The following SP3 variants were observed in gnomAD, a reference collection of about 807,000 sequenced individuals.
SP3 encodes transcription factor Sp3.
In SP3, 10 loss-of-function variants were observed where a neutral mutation model predicts 70.3. That is an observed-to-expected ratio of 0.14 (90% confidence interval 0.09 to 0.24). SP3 has a LOEUF of 0.24. Among genes scored for constraint, SP3 ranks in the 10% least tolerant of loss-of-function variants. The pLI is 1.00. For missense variants in SP3, 825 were observed against 914.6 expected (o/e 0.90, Z 1.26); for synonymous variants, 402 against 333.5 (o/e 1.21, Z -2.24).
At chr2:173,932,768 G>T (rs1207429898) in intron 4 of SP3, among the ~76,000 whole-genome samples, 2 of 152,064 alleles carry the variant, frequency 1.3e-5, no homozygotes, top group African/African-American at 2.4e-5. Context: ...CAAGGCAGGT[G>T]GATCACGAGG....
intron 3 of SP3, among the ~76,000 whole-genome samples, chr2:173,962,647 T>TAA (rs554889189): frequency 2.0e-5 from 3 of 147,082 alleles, no homozygotes; most frequent in South Asian, 2.1e-4. Context: ...TGGTTTAACT[T>TAA]AAAAAAAAAA....
chr2:173,955,973 T>TCTG lies in SP3; in HGVS notation c.536_538dup (p.Ala179dup). The TCTG allele has an allele frequency of 6.2e-7, 1 of 1,614,214 alleles. No individual in the cohort carries two copies. The highest frequency in any genetic ancestry group is 1.6e-4 in the Middle Eastern group (1 of 6,062). ...GAAACCAATTTGAACCTGCTGACCA[T>TCTG]CTGCTGACTGGATCTGTGGTATCAC... On this transcript the variant is annotated inframe_insertion, in exon 4 of 7. Transcript: ENST00000310015.
intron 3 of SP3, among the ~76,000 whole-genome samples, chr2:173,957,923 C>T (rs1435509452): frequency 2.0e-5 from 3 of 152,134 alleles, no homozygotes; most frequent in African/African-American, 4.8e-5. Context: ...TGTCACTCTG[C>T]AACTTCAATC....
At chr2:173,960,605 A>G (rs1691037989) in intron 3 of SP3, among the ~76,000 whole-genome samples, 1 of 152,210 alleles carries the variant, frequency 6.6e-6, no homozygotes, top group Non-Finnish European at 1.5e-5. Flanking sequence ...TTAGCTCAAC[A>G]TTTATGTGCC....
chr2:173,902,215 T>C lies in SP3; in HGVS notation c.*7726A>G, dbSNP rs1213146485. ...CCATTGCTTAGTTTTTCAGGTCCCT[T>C]TTAAATTTCTTACTTATACTTGCTT... On this transcript the variant is annotated 3_prime_UTR_variant, in exon 7 of 7. Coordinates refer to ENST00000310015, the MANE Select transcript of SP3 (RefSeq NM_003111.5). 6.6e-6 allele frequency among the ~76,000 whole-genome samples: 1 copy of C among 152,244 alleles called. No homozygotes were observed. Among genetic ancestry groups the C allele is most frequent in the East Asian group, 1.9e-4 (1 of 5,196 alleles).
chr2:173,921,296 A>G lies in SP3; in HGVS notation c.1640-2511T>C, dbSNP rs146943163. On this transcript the variant is annotated intron_variant, in intron 4 of 6. Transcript: ENST00000310015. ...TCCCACAAATTAAATTCATAATATG[A>G]AATTTAGAATATGATTTTATTCACT... Among the ~76,000 whole-genome samples the G allele has an allele frequency of 3.9e-4, 59 of 152,304 alleles. No homozygotes were observed. The East Asian group carries it at 0.011, about 29-fold the overall frequency.
rs191270665 is a variant in SP3 at position 173,953,520 on chromosome 2, G to A, written c.1639+1353C>T. Among the ~76,000 whole-genome samples, 230 of 152,296 alleles carry A rather than the reference G, an allele frequency of 1.5e-3. 1 individual carries two copies. Among genetic ancestry groups the A allele is most frequent in the Admixed American group, 5.4e-3 (83 of 15,288 alleles). ...GCACTTTGGGAGGCCAAGACAGGCA[G>A]ATCACTTGAGGTCAGGAGTTTGTGA... On this transcript the variant is annotated intron_variant, in intron 4 of 6. Transcript: ENST00000310015.
chr2:173,909,697 T>C lies in SP3; in HGVS notation c.*244A>G, dbSNP rs1262017673. On this transcript the variant is annotated 3_prime_UTR_variant, in exon 7 of 7. Coordinates refer to ENST00000310015, the MANE Select transcript of SP3 (RefSeq NM_003111.5). ...TGTTAAATTCAATTTTCTCTTTATATAACTTGGTAAAATTTCATTTCTTCT... is the reference window on the plus strand; with the variant it reads ...TGTTAAATTCAATTTTCTCTTTATACAACTTGGTAAAATTTCATTTCTTCT... The C allele has an allele frequency of 8.5e-6, 3 of 353,250 alleles. No homozygotes were observed. Among genetic ancestry groups the C allele is most frequent in the South Asian group, 3.6e-5 (1 of 28,094 alleles). 21.9% of individuals were successfully genotyped at this position (353,250 alleles called of 1,614,324 possible). A position where few individuals can be genotyped will look rare whatever the true frequency, so the allele number is the denominator to read the frequency against.
chr2:173,929,371 C>T (rs1218282119), intron 4 of SP3, among the ~76,000 whole-genome samples: 1 of 152,132 alleles, frequency 6.6e-6, no homozygotes, highest in Non-Finnish European at 1.5e-5. Context: ...ATATCCCATC[C>T]AGTCTCAGCA....
chr2:173,910,024 CG>C lies in SP3; in HGVS notation c.2262del (p.Ala755ProfsTer80), dbSNP rs1689434442. 6.2e-7 allele frequency: 1 copy of C among 1,613,472 alleles called. No individual in the cohort carries two copies. Among genetic ancestry groups the C allele is most frequent in the African/African-American group, 1.3e-5 (1 of 74,846 alleles). On this transcript the variant is annotated frameshift_variant, in exon 7 of 7. Transcript: ENST00000310015. LOFTEE classifies it high-confidence loss of function. ...SVSGIGTVNT[S>X]ATSNQDILTN... ...GTAAGGATATCTTGATTGCTGGTGG[CG>C]GAAGTATTAACAGTTCCTATCCCTG... is the stretch of plus-strand genomic sequence containing the variant.
chr2:173,961,273 G>C (rs1368881680), intron 3 of SP3, among the ~76,000 whole-genome samples: 1 of 152,180 alleles, frequency 6.6e-6, no homozygotes, highest in Non-Finnish European at 1.5e-5. Flanking sequence ...CCTTGGCTAG[G>C]ATCCTCTTTT....
At chr2:173,938,856 ATGTC>A (rs1398028447) in intron 4 of SP3, among the ~76,000 whole-genome samples, 2 of 152,188 alleles carry the variant, frequency 1.3e-5, no homozygotes, top group African/African-American at 2.4e-5. Context: ...AATCATGTGC[ATGTC>A]TGTCTAACCC....
At chr2:173,933,572 G>A (rs996181655) in intron 4 of SP3, among the ~76,000 whole-genome samples, 15 of 144,334 alleles carry the variant, frequency 1.0e-4, no homozygotes, top group African/African-American at 3.6e-4. Flanking sequence ...ACCCAACTTC[G>A]GTGTGCCCAT....
At chr2:173,935,411 C>A (rs1448260307) in intron 4 of SP3, among the ~76,000 whole-genome samples, 1 of 152,172 alleles carries the variant, frequency 6.6e-6, no homozygotes, top group East Asian at 1.9e-4. Context: ...ACCCAACCAA[C>A]AAAACAATCA....
chr2:173,920,274 A>T (rs1363394282), intron 4 of SP3, among the ~76,000 whole-genome samples: 1 of 152,190 alleles, frequency 6.6e-6, no homozygotes, highest in African/African-American at 2.4e-5. Context: ...ATTAAAGGGG[A>T]GGGAGGGATG....
chr2:173,902,580 CAAG>C lies in SP3; in HGVS notation c.*7358_*7360del. Among the ~76,000 whole-genome samples, 1 of 152,064 alleles carries C rather than the reference CAAG, an allele frequency of 6.6e-6. No homozygotes were observed. Among genetic ancestry groups the C allele is most frequent in the Non-Finnish European group, 1.5e-5 (1 of 68,008 alleles). On this transcript the variant is annotated 3_prime_UTR_variant, in exon 7 of 7. Transcript: ENST00000310015. ...AATTGGAAATAACTGAGATGCTCAT[CAAG>C]AAGAAAATGGATACATTGTGATAAA...
intron 3 of SP3, among the ~76,000 whole-genome samples, chr2:173,960,127 A>G (rs146900174): frequency 1.1e-3 from 173 of 152,334 alleles, no homozygotes; most frequent in African/African-American, 4.0e-3. Flanking sequence ...TTGTAATCAC[A>G]CACCTCCATT....
intron 4 of SP3, among the ~76,000 whole-genome samples, chr2:173,936,996 G>C (rs1480533434): frequency 6.6e-6 from 1 of 151,860 alleles, no homozygotes; most frequent in Non-Finnish European, 1.5e-5. Flanking sequence ...TTATATTGCA[G>C]ATCACACACT....
At chr2:173,941,299 T>A (rs1690365967) in intron 4 of SP3, among the ~76,000 whole-genome samples, 1 of 152,190 alleles carries the variant, frequency 6.6e-6, no homozygotes, top group African/African-American at 2.4e-5. Flanking sequence ...TCATCTTATG[T>A]ACCCTCCACA....
Sources: gnomAD v4.1 joint callset for allele counts (sites outside exome capture counted in the v4.1 genomes callset) on GRCh38, gnomAD v4.1.1 for gene constraint, MANE v1.5 for transcripts, NCBI Gene and HGNC (gene_info 2026-07-23, HGNC 2026-07-21) for gene names.